The following ARB2A variants were observed in gnomAD, a reference collection of about 807,000 sequenced individuals.
ARB2A encodes the protein cotranscriptional regulator ARB2A.
the ARB2A span, among the ~76,000 whole-genome samples, chr5:93,681,050 G>T: frequency 2.0e-5 from 3 of 152,046 alleles, no homozygotes; most frequent in Non-Finnish European, 4.4e-5. Flanking sequence ...TCTGGCACAG[G>T]CCTTTAATGT....
At chr5:93,994,745 A>T in the ARB2A span, among the ~76,000 whole-genome samples, 1 of 151,984 alleles carries the variant, frequency 6.6e-6, no homozygotes, top group Non-Finnish European at 1.5e-5. Flanking sequence ...TCTATAAAAA[A>T]ATAGAAAAAA....
the ARB2A span, among the ~76,000 whole-genome samples, chr5:94,005,648 C>T: frequency 1.3e-5 from 2 of 152,160 alleles, no homozygotes; most frequent in African/African-American, 4.8e-5. Flanking sequence ...TGAAAAAGAA[C>T]TAGTATCTAT....
At chr5:93,960,577 A>G in the ARB2A span, among the ~76,000 whole-genome samples, 1 of 152,222 alleles carries the variant, frequency 6.6e-6, no homozygotes, top group Non-Finnish European at 1.5e-5. Flanking sequence ...GTAGGCACTC[A>G]GTAATTAAAA....
At chr5:93,884,962 T>C in the ARB2A span, among the ~76,000 whole-genome samples, 18 of 151,522 alleles carry the variant, frequency 1.2e-4, no homozygotes, top group African/African-American at 4.1e-4. Flanking sequence ...CTGGCAAAAA[T>C]TTCCTTTATA....
chr5:93,977,220 T>C, the ARB2A span, among the ~76,000 whole-genome samples: 2 of 152,058 alleles, frequency 1.3e-5, no homozygotes, highest in Non-Finnish European at 2.9e-5. Context: ...AAATTACCAA[T>C]GTCATTTTTC....
chr5:94,063,654 A>G, the ARB2A span, among the ~76,000 whole-genome samples: 1 of 152,168 alleles, frequency 6.6e-6, no homozygotes, highest in Non-Finnish European at 1.5e-5. Flanking sequence ...CTAGAGCCCA[A>G]GGAATAGCCT....
the ARB2A span, among the ~76,000 whole-genome samples, chr5:93,675,156 A>G: frequency 1.0e-3 from 157 of 152,296 alleles, 3 homozygotes; most frequent in Admixed American, 5.7e-3. Context: ...ATAATATGAA[A>G]ATGATTATTA....
At chr5:93,692,882 C>G in the ARB2A span, among the ~76,000 whole-genome samples, 1 of 152,138 alleles carries the variant, frequency 6.6e-6, no homozygotes, top group Non-Finnish European at 1.5e-5. Flanking sequence ...CAAATTAGAA[C>G]TCAGGATTAA....
chr5:93,794,071 T>C, the ARB2A span, among the ~76,000 whole-genome samples: 1 of 152,166 alleles, frequency 6.6e-6, no homozygotes, highest in Non-Finnish European at 1.5e-5. Context: ...GAGTAGTGCA[T>C]CACAGTGTCT....
the ARB2A span, among the ~76,000 whole-genome samples, chr5:93,979,380 T>G: frequency 6.6e-6 from 1 of 152,166 alleles, no homozygotes; most frequent in Non-Finnish European, 1.5e-5. Flanking sequence ...AGCACCATAA[T>G]GTAGTGTTTC....
At chr5:94,081,090 A>G in the ARB2A span, among the ~76,000 whole-genome samples, 2 of 152,364 alleles carry the variant, frequency 1.3e-5, no homozygotes, top group South Asian at 2.1e-4. Flanking sequence ...AAGATGCTCA[A>G]TATCATTAGT....
At chr5:94,026,416 G>C in the ARB2A span, among the ~76,000 whole-genome samples, 106 of 152,158 alleles carry the variant, frequency 7.0e-4, no homozygotes, top group African/African-American at 2.4e-3. Flanking sequence ...TGAGGGCAAA[G>C]AAGAATTTCA....
At chr5:93,899,421 T>C in the ARB2A span, among the ~76,000 whole-genome samples, 2 of 152,098 alleles carry the variant, frequency 1.3e-5, no homozygotes, top group Non-Finnish European at 2.9e-5. Flanking sequence ...AGTTTCCCTA[T>C]ATATTAATGG....
the ARB2A span, among the ~76,000 whole-genome samples, chr5:93,987,043 A>G: frequency 6.6e-6 from 1 of 152,138 alleles, no homozygotes; most frequent in Non-Finnish European, 1.5e-5. Flanking sequence ...AAAAAGAAAA[A>G]CTTAACATTA....
chr5:94,106,120 A>T, the ARB2A span, among the ~76,000 whole-genome samples: 1 of 152,064 alleles, frequency 6.6e-6, no homozygotes, highest in East Asian at 1.9e-4. Flanking sequence ...ACAAAAACAA[A>T]AATTGAAAAG....
chr5:93,802,593 C>T, the ARB2A span, among the ~76,000 whole-genome samples: 1 of 151,934 alleles, frequency 6.6e-6, no homozygotes, highest in Non-Finnish European at 1.5e-5. Context: ...GCATATAGGA[C>T]TAGTTTTTCA....
the ARB2A span, among the ~76,000 whole-genome samples, chr5:94,072,741 T>C: frequency 6.6e-6 from 1 of 152,066 alleles, no homozygotes; most frequent in Admixed American, 6.5e-5. Flanking sequence ...AGGGAAAAAG[T>C]AATATTTTTA....
the ARB2A span, among the ~76,000 whole-genome samples, chr5:93,954,248 C>A: frequency 6.6e-6 from 1 of 152,030 alleles, no homozygotes; most frequent in Non-Finnish European, 1.5e-5. Flanking sequence ...CACCTGAAGC[C>A]GCACATCTCA....
chr5:93,925,377 G>A, the ARB2A span, among the ~76,000 whole-genome samples: 2 of 152,174 alleles, frequency 1.3e-5, no homozygotes, highest in African/African-American at 4.8e-5. Context: ...AATTAAAGTT[G>A]TGGTAAACAA....
Sources: gnomAD v4.1 joint callset for allele counts (sites outside exome capture counted in the v4.1 genomes callset) on GRCh38, gnomAD v4.1.1 for gene constraint, MANE v1.5 for transcripts, NCBI Gene and HGNC (gene_info 2026-07-23, HGNC 2026-07-21) for gene names.